GMCL1: variants seen among roughly 807,000 people sequenced by gnomAD.
GMCL1 encodes germ cell-less protein-like 1.
Under a neutral mutation model 75.5 loss-of-function variants are expected in GMCL1, and 54 were observed. The observed-to-expected ratio is 0.71, with a 90% CI of 0.57 to 0.90. The LOEUF (loss-of-function observed/expected upper bound fraction) is 0.90, where lower values mean the gene tolerates loss of function less well. Among genes scored for constraint, GMCL1 ranks in the 40% least tolerant of loss-of-function variants. The pLI, the probability that GMCL1 is intolerant of heterozygous loss-of-function variation, is 0.00. For synonymous variants in GMCL1, 210 were observed against 209.6 expected, an observed-to-expected ratio of 1.00 and a Z score of -0.02; for missense variants, 537 against 622.7, an observed-to-expected ratio of 0.86 and a Z score of 1.47.
intron 11 of GMCL1, among the ~76,000 whole-genome samples, chr2:69,869,249 CAAAA>C (rs35609593): frequency 1.0e-4 from 8 of 79,308 alleles, no homozygotes; most frequent in African/African-American, 3.4e-4. Context: ...ACCTCTGTCT[CAAAA>C]AAAAAAAAAA....
At chr2:69,839,664 A>G (rs1023766717) in intron 3 of GMCL1, 111 bp downstream of exon 3, 2 of 652,400 alleles carry the variant, frequency 3.1e-6, no homozygotes, top group Non-Finnish European at 5.5e-6. Context: ...AACTCCTTTT[A>G]TCACCTCAAG....
intron 12 of GMCL1, 70 bp from the exon 13 acceptor site, chr2:69,871,671 AAAGT>A: frequency 1.3e-6 from 1 of 759,132 alleles, no homozygotes; most frequent in Non-Finnish European, 2.1e-6. Flanking sequence ...AGTAAATATG[AAAGT>A]AAGGAAGAGC....
chr2:69,868,796 A>G (rs916556503), intron 11 of GMCL1, among the ~76,000 whole-genome samples: 1 of 151,144 alleles, frequency 6.6e-6, no homozygotes, highest in Non-Finnish European at 1.5e-5. Context: ...GCTCTAAGCT[A>G]TATACCCACT....
At chr2:69,838,226 A>T (rs933508214) in intron 2 of GMCL1, among the ~76,000 whole-genome samples, 25 of 150,876 alleles carry the variant, frequency 1.7e-4, no homozygotes, top group African/African-American at 5.8e-4. Context: ...AATCCCAGCT[A>T]CTCAGGAGGC....
chr2:69,844,308 C>G, intron 6 of GMCL1, 112 bp downstream of exon 6: 1 of 592,580 alleles, frequency 1.7e-6, no homozygotes, highest in East Asian at 3.1e-5. Context: ...AAAAAGCAAA[C>G]AATTTAATGA....
At chr2:69,847,654 A>ACG in intron 7 of GMCL1, 27 bp downstream of exon 7, 1 of 1,386,050 alleles carries the variant, frequency 7.2e-7, no homozygotes, top group African/African-American at 1.4e-5. Context: ...ATGTCATATT[A>ACG]TACAAGGATG....
intron 7 of GMCL1, 35 bp from the exon 8 acceptor site, chr2:69,849,617 A>C (rs778934282): frequency 7.8e-7 from 1 of 1,280,990 alleles, no homozygotes; most frequent in African/African-American, 1.5e-5. Context: ...ATGAAATTTC[A>C]TAATTGTTTT....
intron 1 of GMCL1, among the ~76,000 whole-genome samples, chr2:69,831,142 T>C (rs1370005501): frequency 1.3e-5 from 2 of 152,094 alleles, no homozygotes; most frequent in African/African-American, 4.8e-5. Flanking sequence ...TTGTCTCAAA[T>C]TCCCGACCTC....
At chr2:69,838,755 A>G (rs900491085) in intron 2 of GMCL1, among the ~76,000 whole-genome samples, 1 of 152,200 alleles carries the variant, frequency 6.6e-6, no homozygotes, top group African/African-American at 2.4e-5. Context: ...ACTTGAGGGT[A>G]AGAATACCTC....
At position 69,881,348 on chromosome 2, in the gene GMCL1, A is replaced by G. The variant is rs951332239; in HGVS notation, c.*2344A>G. 1 of 152,216 alleles carries G rather than the reference A, an allele frequency of 6.6e-6. No individual in the cohort carries two copies. The highest frequency in any genetic ancestry group is 2.4e-5 in the African/African-American group (1 of 41,458). The allele number at this position is 152,216 out of a possible 1,614,324, so 9.4% of individuals were successfully genotyped here. ...TTTTCAATAGAAATATTTTCAATAA[A>G]GTGTTAATAGTGTAAGATAAAGTAT... On this transcript the variant is annotated 3_prime_UTR_variant, in exon 14 of 14. Coordinates refer to ENST00000282570, the MANE Select transcript of GMCL1 (RefSeq NM_178439.5).
chr2:69,869,959 G>GGTAA, intron 12 of GMCL1, 95 bp downstream of exon 12: 8 of 1,284,466 alleles, frequency 6.2e-6, no homozygotes, highest in Non-Finnish European at 8.6e-6. Flanking sequence ...GTAGAACTTT[G>GGTAA]GTAAGCTACA....
chr2:69,847,510 G>T (rs759586112), intron 6 of GMCL1, 33 bp from the exon 7 acceptor site: 1 of 1,344,768 alleles, frequency 7.4e-7, no homozygotes, highest in Non-Finnish European at 1.1e-6. Context: ...TGTGCCTAAA[G>T]ATAAGCTCAC....
intron 8 of GMCL1, among the ~76,000 whole-genome samples, chr2:69,853,139 T>C (rs1675367811): frequency 6.6e-6 from 1 of 152,252 alleles, no homozygotes; most frequent in Non-Finnish European, 1.5e-5. Flanking sequence ...AATCCAGAAT[T>C]AGATTTTTAT....
intron 4 of GMCL1, 97 bp from the exon 5 acceptor site, chr2:69,843,052 C>CTTT: frequency 3.1e-6 from 1 of 325,034 alleles, no homozygotes; most frequent in Non-Finnish European, 5.6e-6. Context: ...TTTCTTTCTT[C>CTTT]TTTTTTTTTT....
intron 12 of GMCL1, among the ~76,000 whole-genome samples, chr2:69,870,577 A>C (rs1461155329): frequency 6.6e-6 from 1 of 152,188 alleles, no homozygotes; most frequent in South Asian, 2.1e-4. Context: ...AAGGCAACCC[A>C]TGGAATGAGA....
intron 11 of GMCL1, among the ~76,000 whole-genome samples, chr2:69,868,307 A>G (rs1047000906): frequency 1.3e-5 from 2 of 152,144 alleles, no homozygotes; most frequent in African/African-American, 2.4e-5. Flanking sequence ...ATTTACTGCT[A>G]TGATTCCATT....
chr2:69,845,941 T>C (rs1675127180), intron 6 of GMCL1, among the ~76,000 whole-genome samples: 1 of 148,566 alleles, frequency 6.7e-6, no homozygotes, highest in African/African-American at 2.5e-5. Flanking sequence ...CTTCCCAGAA[T>C]GTGAATTTTA....
At chr2:69,854,026 A>T (rs1675394878) in intron 8 of GMCL1, among the ~76,000 whole-genome samples, 1 of 151,936 alleles carries the variant, frequency 6.6e-6, no homozygotes, top group South Asian at 2.1e-4. Flanking sequence ...GCTGATCTTG[A>T]ACTCCTGACC....
intron 6 of GMCL1, among the ~76,000 whole-genome samples, chr2:69,846,999 ATTTTTT>A (rs563722124): frequency 4.5e-5 from 6 of 133,064 alleles, no homozygotes; most frequent in African/African-American, 1.1e-4. Context: ...TGATTGGCTA[ATTTTTT>A]TTTTTTTTTT....
Sources: allele counts gnomAD v4.1 joint callset (sites outside exome capture counted in the v4.1 genomes callset), GRCh38; gene constraint gnomAD v4.1.1; transcripts MANE v1.5; gene names NCBI Gene and HGNC (gene_info 2026-07-23, HGNC 2026-07-21).